FRMPD4: variants seen among roughly 807,000 people sequenced by gnomAD.
The protein encoded by FRMPD4 is FERM and PDZ domain containing 4.
In FRMPD4, 22 loss-of-function variants were observed where a neutral mutation model predicts 94.1. The ratio of observed to expected loss-of-function variants is 0.23; its 90% CI spans 0.17 to 0.33. The LOEUF (loss-of-function observed/expected upper bound fraction) is 0.33. Among genes scored for constraint, FRMPD4 ranks in the 10% least tolerant of loss-of-function variants. The pLI is 1.00. For missense variants in FRMPD4, 1,111 were observed against 1,339.9 expected (o/e 0.83, Z 2.67); for synonymous variants, 631 against 548.6 (o/e 1.15, Z -2.10).
At chrX:12,397,838 G>A (rs772700220) in intron 1 of FRMPD4, among the ~76,000 whole-genome samples, 2 of 111,807 alleles carry the variant, frequency 1.8e-5, no homozygotes, top group Non-Finnish European at 3.8e-5. Flanking sequence ...ATAACACAAT[G>A]TAATAAGATG....
intron 1 of FRMPD4, among the ~76,000 whole-genome samples, chrX:12,465,453 A>G (rs2057439433): frequency 9.0e-6 from 1 of 111,573 alleles, no homozygotes; most frequent in African/African-American, 3.3e-5. Context: ...TGGTGGCACA[A>G]TCTAAGTGAG....
chrX:11,973,734 G>A (rs1226555456), intron 3 of FRMPD4, among the ~76,000 whole-genome samples: 1 of 111,558 alleles, frequency 9.0e-6, no homozygotes, highest in Non-Finnish European at 1.9e-5. Flanking sequence ...TTATTAGGAG[G>A]GCAATGAGAA....
intron 16 of FRMPD4, among the ~76,000 whole-genome samples, chrX:12,720,323 A>G (rs1349732764): frequency 2.7e-5 from 3 of 111,866 alleles, no homozygotes; most frequent in African/African-American, 9.7e-5. Flanking sequence ...CAGAAATAAC[A>G]GATTCCAGTA....
chrX:12,235,156 G>A (rs922666128), intron 1 of FRMPD4, among the ~76,000 whole-genome samples: 1 of 111,788 alleles, frequency 8.9e-6, no homozygotes, highest in African/African-American at 3.3e-5. Flanking sequence ...AAAGAAAGAG[G>A]GTGCTGTGTC....
chrX:12,505,203 A>AT (rs757467839), intron 2 of FRMPD4, among the ~76,000 whole-genome samples: 1 of 111,503 alleles, frequency 9.0e-6, no homozygotes, highest in East Asian at 2.8e-4. Flanking sequence ...GCCACCCTTG[A>AT]TTTTTTTGAG....
intron 9 of FRMPD4, among the ~76,000 whole-genome samples, chrX:12,699,964 T>TG (rs1306616884): frequency 8.9e-6 from 1 of 112,169 alleles, no homozygotes; most frequent in Admixed American, 9.4e-5. Flanking sequence ...CTTCTGGGTG[T>TG]GGGGCAGGAC....
chrX:12,406,276 G>A (rs1270270804), intron 1 of FRMPD4, among the ~76,000 whole-genome samples: 1 of 111,606 alleles, frequency 9.0e-6, no homozygotes, highest in African/African-American at 3.3e-5. Context: ...AGATTTTCAG[G>A]AAATTTTCTG....
chrX:12,140,176 C>G (rs1464967320), intron 1 of FRMPD4, among the ~76,000 whole-genome samples: 1 of 112,377 alleles, frequency 8.9e-6, no homozygotes, highest in Non-Finnish European at 1.9e-5. Context: ...CTGCCCATCT[C>G]CACCTTCCCT....
chrX:12,545,042 G>A (rs2058459740), intron 2 of FRMPD4, among the ~76,000 whole-genome samples: 1 of 110,983 alleles, frequency 9.0e-6, no homozygotes, highest in Admixed American at 9.6e-5. Context: ...CCCTGTTCGT[G>A]GACAGTTATT....
chrX:12,582,186 A>G (rs999336360), intron 2 of FRMPD4, among the ~76,000 whole-genome samples: 8 of 112,608 alleles, frequency 7.1e-5, no homozygotes, highest in African/African-American at 2.6e-4. Flanking sequence ...ATTAATTGCC[A>G]TGCTTTCACT....
chrX:12,322,867 TATTA>T (rs1223553273), intron 1 of FRMPD4, among the ~76,000 whole-genome samples: 4 of 111,720 alleles, frequency 3.6e-5, no homozygotes, highest in Admixed American at 9.5e-5. Flanking sequence ...TATTAACTTT[TATTA>T]ATTAACATTA....
At chrX:12,006,964 C>T (rs1296402404) in intron 3 of FRMPD4, among the ~76,000 whole-genome samples, 2 of 111,853 alleles carry the variant, frequency 1.8e-5, no homozygotes, top group African/African-American at 6.5e-5. Context: ...TTAAGTGTGG[C>T]AAATGAAGAT....
At chrX:12,238,121 CTTAT>C (rs767956579) in intron 1 of FRMPD4, among the ~76,000 whole-genome samples, 105 of 111,189 alleles carry the variant, frequency 9.4e-4, no homozygotes, top group Non-Finnish European at 1.8e-3. Context: ...TATTTATTTA[CTTAT>C]TTATTTATTT....
chrX:12,469,422 TG>T (rs916953520), intron 1 of FRMPD4, among the ~76,000 whole-genome samples: 2 of 111,298 alleles, frequency 1.8e-5, no homozygotes, highest in Non-Finnish European at 3.8e-5. Context: ...GCTAATTTTT[TG>T]TATGTTTTAG....
Position 12,167,345 on chromosome X carries a change from T to C in FRMPD4, c.41+28333T>C, listed in dbSNP as rs751859291. On this transcript the variant is annotated intron_variant, in intron 1 of 16. Coordinates refer to ENST00000675598, the MANE Select transcript of FRMPD4 (RefSeq NM_001368397.1). ...CATTCAGGAGCAGGTTGTTCAGTTT[T>C]CATGTAGTTGAGCAGTTTTGAGTGA... is the stretch of plus-strand genomic sequence containing the variant. Among the ~76,000 whole-genome samples the C allele has an allele frequency of 6.1e-3, 687 of 111,986 alleles. 3 individuals are homozygous for C. The highest frequency in any genetic ancestry group is 0.02 in the African/African-American group (612 of 30,820).
intron 7 of FRMPD4, among the ~76,000 whole-genome samples, chrX:12,689,350 A>G (rs1336963359): frequency 8.9e-6 from 1 of 111,823 alleles, no homozygotes; most frequent in East Asian, 2.8e-4. Flanking sequence ...ATATATGTAT[A>G]TTATTATGGT....
intron 1 of FRMPD4, among the ~76,000 whole-genome samples, chrX:12,455,396 G>C (rs2057323098): frequency 1.8e-5 from 2 of 111,796 alleles, no homozygotes; most frequent in African/African-American, 6.5e-5. Context: ...TGGTAATCTT[G>C]TGTAGAGTAT....
chrX:12,289,747 GA>G (rs1033060425), intron 1 of FRMPD4, among the ~76,000 whole-genome samples: 4 of 111,589 alleles, frequency 3.6e-5, no homozygotes, highest in African/African-American at 1.3e-4. Flanking sequence ...CGGAAGAGAA[GA>G]AAACCCTGAG....
chrX:12,718,292 T>C lies in FRMPD4; in HGVS notation c.3466T>C (p.Cys1156Arg), dbSNP rs1430635493. The C allele has an allele frequency of 6.6e-6, 8 of 1,211,201 alleles. No homozygotes were observed. Among genetic ancestry groups the C allele is most frequent in the Admixed American group, 6.5e-5 (3 of 46,099 alleles). The change falls in exon 16 of 17, where the codon TGT becomes CGT. Residue 1156 changes from cysteine (C) to arginine (R), a missense_variant. Around this residue, in one of 8 missense-constraint regions of FRMPD4, gnomAD observed 551 missense variants for 591.6 expected, o/e 0.93. Coordinates refer to ENST00000675598, the MANE Select transcript of FRMPD4 (RefSeq NM_001368397.1). Reference protein sequence around the residue: ...QGDRFLTDVTCASSAKDLDNP... With the variant: ...QGDRFLTDVTRASSAKDLDNP... The stretch of plus-strand genomic sequence containing the variant: ...GGACCGCTTCTTAACTGACGTGACC[T>C]GTGCATCTTCAGCCAAAGACTTAGA...
Sources: allele counts gnomAD v4.1 joint callset (sites outside exome capture counted in the v4.1 genomes callset), GRCh38; gene constraint gnomAD v4.1.1; regional missense constraint gnomAD v4.1.1; transcripts MANE v1.5; gene names NCBI Gene and HGNC (gene_info 2026-07-23, HGNC 2026-07-21).